The following MAML1 variants were observed in gnomAD, a reference collection of about 807,000 sequenced individuals.
MAML1 encodes the protein mastermind like transcriptional coactivator 1, also known as mastermind-like protein 1.
A neutral mutation model predicts 77.1 loss-of-function variants in MAML1; 14 were observed. The observed-to-expected ratio is 0.18, with a 90% CI of 0.12 to 0.28. The LOEUF is 0.28. Ranked by LOEUF, MAML1 falls within the 10% of genes least tolerant of loss-of-function variation. MAML1 has a pLI of 1.00. For synonymous variants in MAML1, 516 were observed against 551.9 expected, an observed-to-expected ratio of 0.93 and a Z score of 0.91; for missense variants, 1,217 against 1,327.8, an observed-to-expected ratio of 0.92 and a Z score of 1.30.
chr5:179,747,966 T>G (rs908966616), intron 1 of MAML1, among the ~76,000 whole-genome samples: 34 of 152,100 alleles, frequency 2.2e-4, no homozygotes, highest in Non-Finnish European at 3.8e-4. Flanking sequence ...AAACAGAAAG[T>G]AGAATGGTAG....
At position 179,766,248 on chromosome 5, in the gene MAML1, A is replaced by G; in HGVS notation, c.1238A>G (p.Gln413Arg). 6.2e-7 allele frequency: 1 copy of G among 1,613,858 alleles called. No homozygotes were observed. The highest frequency in any genetic ancestry group is 8.5e-7 in the Non-Finnish European group (1 of 1,179,952). ...AAGCAGAAGCGCGAGCAGATGCTCC[A>G]GAACCCACAGCAGGCCACCCCGGCA... ...AAKQKREQML[Q>R]NPQQATPAPA... The change falls in exon 2 of 5, where the codon CAG becomes CGG. Residue 413 changes from glutamine to arginine, a missense_variant. Coordinates refer to ENST00000292599, the MANE Select transcript of MAML1 (RefSeq NM_014757.5). This position sits in a 1 kb window ranked among gnomAD's most constrained non-coding sequence, Gnocchi z 4.0.
In MAML1 at chr5:179,769,021, GAGC is replaced by G; in HGVS notation, c.1911_1913del (p.Gln638del). On this transcript the variant is annotated inframe_deletion, in exon 3 of 5. Transcript: ENST00000292599. The surrounding 1 kb of genome is among the most constrained non-coding windows in gnomAD (Gnocchi z 4.2). ...GCTTTTGGACCAACAGAAACAAAGG[GAGC>G]AGCAGCAAAAGCATTTACAGCAACA... 1 of 1,614,214 alleles carries G rather than the reference GAGC, an allele frequency of 6.2e-7. No individual in the cohort carries two copies. Among genetic ancestry groups the G allele is most frequent in the Non-Finnish European group, 8.5e-7 (1 of 1,180,054 alleles).
At chr5:179,752,340 AAAAAAAAAAAAT>A (rs1189667883) in intron 1 of MAML1, among the ~76,000 whole-genome samples, 1 of 53,494 alleles carries the variant, frequency 1.9e-5, no homozygotes, top group African/African-American at 5.3e-5. Context: ...AAAAAAAAAA[AAAAAAAAAAAAT>A]ATATATATAT....
rs556955888 is a variant in MAML1, at chr5:179,745,643, G to A, written c.315+12216G>A. Among the ~76,000 whole-genome samples, 312 of 151,036 alleles carry A rather than the reference G, an allele frequency of 2.1e-3. 1 individual carries two copies. Among genetic ancestry groups the A allele is most frequent in the African/African-American group, 7.0e-3 (286 of 41,138 alleles). ...TGGGAGGCCGAGGCGGGCAGATCAC[G>A]AGGTCAGGAGATCGAGACCATCCTG... On this transcript the variant is annotated intron_variant, in intron 1 of 4. Coordinates refer to ENST00000292599, the MANE Select transcript of MAML1 (RefSeq NM_014757.5).
chr5:179,753,228 C>T lies in MAML1; in HGVS notation c.316-12098C>T, dbSNP rs937743527. Among the ~76,000 whole-genome samples the T allele has an allele frequency of 2.4e-3, 355 of 148,534 alleles. 4 individuals are homozygous for T. The highest frequency in any genetic ancestry group is 8.5e-3 in the African/African-American group (336 of 39,408). On this transcript the variant is annotated intron_variant, in intron 1 of 4. Transcript: ENST00000292599. ...GTGTGTGTGTGTGTGTGTGTGCGCG[C>T]GCGCGCGCGCGTGCTGGGGTGAAGG...
In MAML1 at chr5:179,776,494, C is replaced by G; in HGVS notation, c.*1617C>G. 2 of 985,810 alleles carry G rather than the reference C, an allele frequency of 2.0e-6. No homozygotes were observed. The highest frequency in any genetic ancestry group is 2.4e-6 in the Non-Finnish European group (2 of 829,938). 61.1% of individuals were successfully genotyped at this position (985,810 alleles called of 1,614,324 possible). A position where few individuals can be genotyped will look rare whatever the true frequency, so the allele number is the denominator to read the frequency against. ...ACCCCAAGTGGTATGTCGGCCATTT[C>G]TCCTTAAAACACCTTCCCTACCTTT... On this transcript the variant is annotated 3_prime_UTR_variant, in exon 5 of 5. Transcript: ENST00000292599.
chr5:179,771,504 T>C lies in MAML1; in HGVS notation c.2068+261T>C, dbSNP rs1447919389. 1.3e-5 allele frequency among the ~76,000 whole-genome samples: 2 copies of C among 152,256 alleles called. No homozygotes were observed. The highest frequency in any genetic ancestry group is 2.9e-5 in the Non-Finnish European group (2 of 68,046). On this transcript the variant is annotated intron_variant, in intron 4 of 4. Transcript: ENST00000292599. The surrounding 1 kb of genome is among the most constrained non-coding windows in gnomAD (Gnocchi z 4.7). ...TTTCTGAAGCAAAATCATTTCTAGT[T>C]GGAGGACATCTTATCAGCAGGAAAT... is the stretch of plus-strand genomic sequence containing the variant.
At chr5:179,748,000 T>G (rs1039120447) in intron 1 of MAML1, among the ~76,000 whole-genome samples, 8 of 152,016 alleles carry the variant, frequency 5.3e-5, no homozygotes, top group Non-Finnish European at 8.8e-5. Context: ...GGGGAAGAGA[T>G]AGGGGAGTTG....
chr5:179,741,416 G>A (rs1466188138), intron 1 of MAML1, among the ~76,000 whole-genome samples: 3 of 152,178 alleles, frequency 2.0e-5, no homozygotes, highest in Non-Finnish European at 2.9e-5. Flanking sequence ...CAGGCGTGGT[G>A]GCTCACGCCT....
intron 1 of MAML1, among the ~76,000 whole-genome samples, chr5:179,761,695 CAATAAT>C (rs899705266): frequency 3.2e-4 from 49 of 151,884 alleles, no homozygotes; most frequent in African/African-American, 4.6e-4. Context: ...AACTCCGTCT[CAATAAT>C]AATAATAAAG....
In MAML1 at chr5:179,776,607, G is replaced by A. The variant is rs1424738399; in HGVS notation, c.*1730G>A. On this transcript the variant is annotated 3_prime_UTR_variant, in exon 5 of 5. Transcript: ENST00000292599. ...CTCTGAGGGAGTTCCCCAATCTGAA[G>A]GGGAAGAGGGTGACCTCAGCGGCTT... 2.0e-6 allele frequency: 2 copies of A among 985,552 alleles called. No individual in the cohort carries two copies. The highest frequency in any genetic ancestry group is 6.1e-5 in the Admixed American group (1 of 16,270). The allele number at this position is 985,552 out of a possible 1,614,324, so 61.1% of individuals were successfully genotyped here.
At position 179,771,369 on chromosome 5, in the gene MAML1, C is replaced by T; in HGVS notation, c.2068+126C>T. ...GCTGCATGCATTGTCATCATATACA[C>T]CTCAGTTTGCCTAAGGGGCCTGGTT... is the stretch of plus-strand genomic sequence containing the variant. On this transcript the variant is annotated intron_variant, in intron 4 of 4. Transcript: ENST00000292599. This position sits in a 1 kb window ranked among gnomAD's most constrained non-coding sequence, Gnocchi z 4.7. The T allele has an allele frequency of 1.3e-6, 1 of 754,560 alleles. No homozygotes were observed. Among genetic ancestry groups the T allele is most frequent in the Non-Finnish European group, 2.2e-6 (1 of 457,012 alleles). 46.7% of individuals were successfully genotyped at this position (754,560 alleles called of 1,614,324 possible). A position where few individuals can be genotyped will look rare whatever the true frequency, so the allele number is the denominator to read the frequency against.
At position 179,771,249 on chromosome 5, in the gene MAML1, G is replaced by A. The variant is rs530855585; in HGVS notation, c.2068+6G>A. 6.2e-7 allele frequency: 1 copy of A among 1,613,626 alleles called. No homozygotes were observed. The highest frequency in any genetic ancestry group is 2.2e-5 in the East Asian group (1 of 44,880). Reference sequence around the variant, plus strand: ...GCAGGTTGGACAGTTCACAGGTAGGGGGTGTCTGTGTGACGAGCAGGGACA... The same window carrying A: ...GCAGGTTGGACAGTTCACAGGTAGGAGGTGTCTGTGTGACGAGCAGGGACA... On this transcript the variant is annotated splice_donor_region_variant and intron_variant, in intron 4 of 4. Coordinates refer to ENST00000292599, the MANE Select transcript of MAML1 (RefSeq NM_014757.5). This position sits in a 1 kb window ranked among gnomAD's most constrained non-coding sequence, Gnocchi z 4.7.
rs1417494698 is a variant in MAML1 at position 179,774,926 on chromosome 5, T to C, written c.*49T>C. 3 of 1,526,286 alleles carry C rather than the reference T, an allele frequency of 2.0e-6. No individual in the cohort carries two copies. Among genetic ancestry groups the C allele is most frequent in the Admixed American group, 2.1e-5 (1 of 48,240 alleles). 94.5% of individuals were successfully genotyped at this position (1,526,286 alleles called of 1,614,324 possible). A position where few individuals can be genotyped will look rare whatever the true frequency, so the allele number is the denominator to read the frequency against. On this transcript the variant is annotated 3_prime_UTR_variant, in exon 5 of 5. Transcript: ENST00000292599. ...GTGTTCATTCATCCTATATTTTTATTCTCAGATTCAAAGAAAGAGCAACTA... is the reference window on the plus strand; with the variant it reads ...GTGTTCATTCATCCTATATTTTTATCCTCAGATTCAAAGAAAGAGCAACTA...
At position 179,753,662 on chromosome 5, in the gene MAML1, T is replaced by TA. The variant is rs1562560546; in HGVS notation, c.316-11664_316-11663insA. Among the ~76,000 whole-genome samples the TA allele has an allele frequency of 4.4e-5, 6 of 136,532 alleles. 1 individual carries two copies. Among genetic ancestry groups the TA allele is most frequent in the Non-Finnish European group, 7.9e-5 (5 of 63,306 alleles). The allele number at this position is 136,532 out of a possible 152,430, so 89.6% of individuals were successfully genotyped here. On this transcript the variant is annotated intron_variant, in intron 1 of 4. Coordinates refer to ENST00000292599, the MANE Select transcript of MAML1 (RefSeq NM_014757.5). ...GTTTTATTATTATTATTATTTTTTT[T>TA]TTTTTTTTTTTTTTTGAGGCAGAGT...
At chr5:179,734,709 G>A (rs570528983) in intron 1 of MAML1, among the ~76,000 whole-genome samples, 1 of 152,198 alleles carries the variant, frequency 6.6e-6, no homozygotes, top group East Asian at 1.9e-4. Context: ...ATGTCTCACT[G>A]CAGCCTCAAC....
intron 1 of MAML1, among the ~76,000 whole-genome samples, chr5:179,736,442 G>A (rs1779172982): frequency 6.6e-6 from 1 of 151,358 alleles, no homozygotes; most frequent in East Asian, 2.0e-4. Flanking sequence ...TAGTAGAGAC[G>A]GGGTTTCACC....
chr5:179,742,492 A>G (rs1779302167), intron 1 of MAML1, among the ~76,000 whole-genome samples: 1 of 151,106 alleles, frequency 6.6e-6, no homozygotes, highest in Non-Finnish European at 1.5e-5. Context: ...CCATCTCAAA[A>G]TAAATAATAA....
rs1299133254 is a variant in MAML1 at position 179,775,245 on chromosome 5, C to T, written c.*368C>T. 9 of 1,019,132 alleles carry T rather than the reference C, an allele frequency of 8.8e-6. No individual in the cohort carries two copies. The highest frequency in any genetic ancestry group is 4.8e-4 in the Middle Eastern group (1 of 2,080). 63.1% of individuals were successfully genotyped at this position (1,019,132 alleles called of 1,614,324 possible). A position where few individuals can be genotyped will look rare whatever the true frequency, so the allele number is the denominator to read the frequency against. ...ATCATGGTGATTTTATCCAAGACTG[C>T]TCCACTTACCCCAGTGCTGGGGACA... On this transcript the variant is annotated 3_prime_UTR_variant, in exon 5 of 5. Coordinates refer to ENST00000292599, the MANE Select transcript of MAML1 (RefSeq NM_014757.5).
Sources: allele counts gnomAD v4.1 joint callset (sites outside exome capture counted in the v4.1 genomes callset), GRCh38; gene constraint gnomAD v4.1.1; non-coding constraint Gnocchi (gnomAD v3.1); transcripts MANE v1.5; gene names NCBI Gene and HGNC (gene_info 2026-07-23, HGNC 2026-07-21).